Variants in DSTYK observed in about 807,000 individuals in gnomAD.
DSTYK encodes the protein dual serine/threonine and tyrosine protein kinase.
Under a neutral mutation model 98.7 loss-of-function variants are expected in DSTYK, and 34 were observed. The observed-to-expected ratio is 0.34, with a 90% CI of 0.26 to 0.46. The LOEUF (loss-of-function observed/expected upper bound fraction) is 0.46. DSTYK is among the 20% of genes least tolerant of loss of function. The pLI is 1.00. For synonymous variants in DSTYK, 462 were observed against 457.3 expected, an observed-to-expected ratio of 1.01 and a Z score of -0.13; for missense variants, 962 against 1,181.7, an observed-to-expected ratio of 0.81 and a Z score of 2.73.
At position 205,169,456 on chromosome 1, in the gene DSTYK, C is replaced by G; in HGVS notation, c.1031G>C (p.Ser344Thr). Reference protein sequence around the residue: ...VEQSEKLRHLSTFSHQVLQTR... With the variant: ...VEQSEKLRHLTTFSHQVLQTR... ...CTGTAACACCTGGTGAGAAAATGTG[C>G]TCAAGTGTCTCAGCTTTTCACTCTG... The change falls in exon 3 of 13, where the codon AGC (serine) becomes ACC (threonine). Residue 344 changes from serine (S) to threonine (T), a missense_variant. Physicochemically the swap from Ser to Thr is moderately conservative, Grantham distance 58. Coordinates refer to ENST00000367162, the MANE Select transcript of DSTYK (RefSeq NM_015375.3). This position sits in a 1 kb window ranked among gnomAD's most constrained non-coding sequence, Gnocchi z 4.0. 1 of 1,614,128 alleles carries G rather than the reference C, an allele frequency of 6.2e-7. No individual in the cohort carries two copies. The highest frequency in any genetic ancestry group is 1.1e-5 in the South Asian group (1 of 91,078).
intron 2 of DSTYK, among the ~76,000 whole-genome samples, chr1:205,180,777 T>G (rs1376625742): frequency 6.6e-6 from 1 of 152,214 alleles, no homozygotes; most frequent in Non-Finnish European, 1.5e-5. Flanking sequence ...GCTGTTCTTT[T>G]AAGAGATATC....
intron 1 of DSTYK, among the ~76,000 whole-genome samples, chr1:205,203,562 AGGGGAGGGGAGG>A (rs1659110653): frequency 3.0e-5 from 1 of 33,250 alleles, no homozygotes. Flanking sequence ...AGGGGAGGGG[AGGGGAGGGGAGG>A]GGAGGGGAGG....
rs181082580 is a variant in DSTYK, at chr1:205,192,874, A to G, written c.266-5068T>C. Among the ~76,000 whole-genome samples the G allele has an allele frequency of 2.6e-3, 402 of 152,264 alleles. 1 individual carries two copies. Among genetic ancestry groups the G allele is most frequent in the African/African-American group, 9.3e-3 (387 of 41,550 alleles). ...CGAAACTCCATTTCAAAAAGAAAAA[A>G]CAAGAAACAGCTCAGGTTTCTCCAT... On this transcript the variant is annotated intron_variant, in intron 1 of 12. Transcript: ENST00000367162.
intron 2 of DSTYK, among the ~76,000 whole-genome samples, chr1:205,177,277 G>A (rs973722893): frequency 6.6e-6 from 1 of 152,142 alleles, no homozygotes; most frequent in Non-Finnish European, 1.5e-5. Flanking sequence ...TTGGTAGGTA[G>A]CAGATGTCTT....
chr1:205,198,455 T>A (rs1658932400), intron 1 of DSTYK, among the ~76,000 whole-genome samples: 1 of 152,172 alleles, frequency 6.6e-6, no homozygotes, highest in Admixed American at 6.5e-5. Context: ...TCAGTGGGGT[T>A]CTTATATACT....
intron 1 of DSTYK, among the ~76,000 whole-genome samples, chr1:205,203,904 G>A (rs1457948527): frequency 2.0e-5 from 3 of 152,144 alleles, no homozygotes; most frequent in Non-Finnish European, 4.4e-5. Flanking sequence ...AACAGAGCGA[G>A]ACTCTGTCTC....
intron 2 of DSTYK, among the ~76,000 whole-genome samples, chr1:205,184,579 C>T (rs1466333080): frequency 6.6e-6 from 1 of 151,968 alleles, no homozygotes; most frequent in East Asian, 1.9e-4. Flanking sequence ...CTCAAAAACA[C>T]AAACAAACAA....
At position 205,144,016 on chromosome 1, in the gene DSTYK, G is replaced by C. The variant is rs1657147591; in HGVS notation, c.*3542C>G. ...TTGCTCAGTCAATGAGCTACTCTTT[G>C]CAGAGGATCAGGGAACTAAGGTATG... is the stretch of plus-strand genomic sequence containing the variant. On this transcript the variant is annotated 3_prime_UTR_variant, in exon 13 of 13. Transcript: ENST00000367162. 1 of 152,658 alleles carries C rather than the reference G, an allele frequency of 6.6e-6. No individual in the cohort carries two copies. The highest frequency in any genetic ancestry group is 6.5e-5 in the Admixed American group (1 of 15,288). 9.5% of individuals were successfully genotyped at this position (152,658 alleles called of 1,614,324 possible). A position where few individuals can be genotyped will look rare whatever the true frequency, so the allele number is the denominator to read the frequency against.
intron 1 of DSTYK, among the ~76,000 whole-genome samples, chr1:205,197,177 A>G (rs1658892729): frequency 6.6e-6 from 1 of 151,878 alleles, no homozygotes; most frequent in Non-Finnish European, 1.5e-5. Flanking sequence ...ACAGTTGGCA[A>G]AACCTGAACA....
At chr1:205,186,056 A>G (rs1030921485) in intron 2 of DSTYK, among the ~76,000 whole-genome samples, 1 of 152,076 alleles carries the variant, frequency 6.6e-6, no homozygotes, top group Non-Finnish European at 1.5e-5. Context: ...AAAAATATAT[A>G]TATAAGTTTG....
chr1:205,167,241 A>C, intron 3 of DSTYK, among the ~76,000 whole-genome samples: 1 of 152,098 alleles, frequency 6.6e-6, no homozygotes, highest in Non-Finnish European at 1.5e-5. Context: ...TCTAAAAAAA[A>C]ATACAAAAAG....
chr1:205,183,082 A>G (rs12031350), intron 2 of DSTYK, among the ~76,000 whole-genome samples: 31,960 of 141,396 alleles, frequency 0.23, 3,602 homozygotes, highest in East Asian at 0.44. Context: ...AAAAAAAAGC[A>G]CACACACACA....
chr1:205,202,201 A>C, intron 1 of DSTYK: 3 of 567,826 alleles, frequency 5.3e-6, no homozygotes, highest in South Asian at 4.1e-5. Context: ...ATGGTTCGCT[A>C]TTCACTTGAC....
intron 1 of DSTYK, among the ~76,000 whole-genome samples, chr1:205,208,396 C>A (rs1659269553): frequency 6.6e-6 from 1 of 152,132 alleles, no homozygotes; most frequent in Non-Finnish European, 1.5e-5. Flanking sequence ...TACTTATACT[C>A]CAATCATTTC....
intron 1 of DSTYK, among the ~76,000 whole-genome samples, chr1:205,188,303 C>T (rs1283009954): frequency 6.6e-6 from 1 of 152,168 alleles, no homozygotes; most frequent in Non-Finnish European, 1.5e-5. Flanking sequence ...TAACAACAGG[C>T]ATACATTCTG....
chr1:205,163,226 T>C (rs76104352), intron 4 of DSTYK, among the ~76,000 whole-genome samples: 379 of 152,016 alleles, frequency 2.5e-3, no homozygotes, highest in African/African-American at 8.6e-3. Flanking sequence ...TTTATTTTTT[T>C]TTTTATTTTT....
At chr1:205,179,107 C>A (rs1199366905) in intron 2 of DSTYK, among the ~76,000 whole-genome samples, 1 of 150,116 alleles carries the variant, frequency 6.7e-6, no homozygotes, top group African/African-American at 2.5e-5. Context: ...CCAGCCTGAG[C>A]GACAAAGTGA....
At chr1:205,161,918 G>T in intron 6 of DSTYK, 118 bp downstream of exon 6, 1 of 764,394 alleles carries the variant, frequency 1.3e-6, no homozygotes, top group Non-Finnish European at 1.9e-6. Flanking sequence ...GTATATATAT[G>T]TATACACACA....
intron 1 of DSTYK, among the ~76,000 whole-genome samples, chr1:205,199,687 G>A (rs1292019987): frequency 6.6e-6 from 1 of 152,098 alleles, no homozygotes; most frequent in African/African-American, 2.4e-5. Flanking sequence ...GCACCCCCAC[G>A]TGGACTCGCC....
Sources: allele counts gnomAD v4.1 joint callset (sites outside exome capture counted in the v4.1 genomes callset), GRCh38; gene constraint gnomAD v4.1.1; non-coding constraint Gnocchi (gnomAD v3.1); transcripts MANE v1.5; gene names NCBI Gene and HGNC (gene_info 2026-07-23, HGNC 2026-07-21).